ZNF43: variants seen among roughly 807,000 people sequenced by gnomAD.
ZNF43 encodes zinc finger protein 43, also known as zinc finger protein 39-like 1 (KOX 27).
A neutral mutation model predicts 68.4 loss-of-function variants in ZNF43; 44 were observed. That is an observed-to-expected ratio of 0.64 (90% CI 0.51 to 0.83). The LOEUF (loss-of-function observed/expected upper bound fraction) is 0.83. Among genes scored for constraint, ZNF43 ranks in the 40% least tolerant of loss-of-function variants. The pLI is 0.00. For synonymous variants in ZNF43, 308 were observed against 307.8 expected, an observed-to-expected ratio of 1.00 and a Z score of -0.01; for missense variants, 896 against 933.2, an observed-to-expected ratio of 0.96 and a Z score of 0.52.
chr19:21,846,568 GTGTAAAACCCAGCAACA>G (rs765053476), intron 1 of ZNF43, among the ~76,000 whole-genome samples: 45 of 152,170 alleles, frequency 3.0e-4, no homozygotes, highest in Admixed American at 9.8e-4. Flanking sequence ...CATCACTTGG[GTGTAAAACCCAGCAACA>G]TGTCACAATG....
chr19:21,846,218 A>C (rs972670809), intron 1 of ZNF43, among the ~76,000 whole-genome samples: 16 of 152,194 alleles, frequency 1.1e-4, no homozygotes, highest in African/African-American at 3.4e-4. Context: ...CTATGAGAGG[A>C]GAGTCACATC....
At chr19:21,839,354 A>G (rs1967346813), upstream of ZNF43, among the ~76,000 whole-genome samples, 2 of 150,770 alleles carry the variant, frequency 1.3e-5, no homozygotes, top group South Asian at 4.2e-4. Flanking sequence ...AAAAAAAAAA[A>G]AAGAGATCAC....
chr19:21,835,500 GGC>G (rs2038673596), intron 1 of ZNF43, among the ~76,000 whole-genome samples: 1 of 150,876 alleles, frequency 6.6e-6, no homozygotes, highest in Non-Finnish European at 1.5e-5. Context: ...TGCGATTACA[GGC>G]GCGCGCCACC....
rs1412189208 is a variant in ZNF43, at chr19:21,843,351, T to A, written c.30+8554A>T. 4.1e-6 allele frequency: 4 copies of A among 985,114 alleles called. No individual in the cohort carries two copies. The African/African-American group carries it at 5.2e-5, about 13-fold the overall frequency. The allele number at this position is 985,114 out of a possible 1,614,324, so 61.0% of individuals were successfully genotyped here. Reference sequence around the variant, plus strand: ...CCTGCAGAAAGACCCAGAAATCAGATAAAACAGTTCTTCACGTGTCTTCAT... The same window carrying A: ...CCTGCAGAAAGACCCAGAAATCAGAAAAAACAGTTCTTCACGTGTCTTCAT... On this transcript the variant is annotated intron_variant, in intron 1 of 3. Transcript: ENST00000357491.
Position 21,808,198 on chromosome 19 carries a change from TTTATG to T in ZNF43, c.1834_1838del (p.His612LysfsTer12), listed in dbSNP as rs772381041. On this transcript the variant is annotated frameshift_variant, in exon 4 of 4. Coordinates refer to ENST00000354959, the MANE Select transcript of ZNF43 (RefSeq NM_003423.4). LOFTEE classifies it high-confidence loss of function. ...AGGGTTTTCCTCCAGTATGAATTTT[TTTATG>T]TGTAGTAAGGTTTGAAGATTGGGTA... is the stretch of plus-strand genomic sequence containing the variant. 13 of 1,593,208 alleles carry T rather than the reference TTTATG, an allele frequency of 8.2e-6. No individual in the cohort carries two copies. The highest frequency in any genetic ancestry group is 1.0e-5 in the Non-Finnish European group (12 of 1,171,496).
At chr19:21,830,193 G>A (rs1298607612) in intron 1 of ZNF43, among the ~76,000 whole-genome samples, 1 of 151,832 alleles carries the variant, frequency 6.6e-6, no homozygotes, top group Non-Finnish European at 1.5e-5. Context: ...GGAGGTTGCA[G>A]TGAGGCGGAG....
chr19:21,828,498 T>G (rs1037736937), intron 1 of ZNF43, among the ~76,000 whole-genome samples: 1 of 151,574 alleles, frequency 6.6e-6, no homozygotes, highest in Non-Finnish European at 1.5e-5. Context: ...GTGGATCACC[T>G]GAGGTCAGGA....
rs758829680 is a variant in ZNF43, at chr19:21,807,795, G to A, written c.2242C>T (p.His748Tyr). The stretch of plus-strand genomic sequence containing the variant: ...TGAATTCTCTTATGTGTATTAAGGT[G>A]TGAGGAATAGTTAAATGCTTTGCCA... Reference protein sequence around the residue: ...ECGKAFNYSSHLNTHKRIHTK... With the variant: ...ECGKAFNYSSYLNTHKRIHTK... The change falls in exon 4 of 4, where the codon CAC (histidine) becomes TAC (tyrosine). Residue 748 changes from histidine (H) to tyrosine (Y), a missense_variant. His to Tyr is a moderately conservative substitution (Grantham distance 83). Coordinates refer to ENST00000354959, the MANE Select transcript of ZNF43 (RefSeq NM_003423.4). The A allele has an allele frequency of 1.2e-5, 20 of 1,612,456 alleles. No homozygotes were observed. The South Asian group carries it at 1.6e-4, about 13-fold the overall frequency.
chr19:21,808,452 T>C lies in ZNF43; in HGVS notation c.1585A>G (p.Lys529Glu). The C allele has an allele frequency of 6.2e-7, 1 of 1,613,348 alleles. No individual in the cohort carries two copies. The highest frequency in any genetic ancestry group is 1.7e-4 in the Middle Eastern group (1 of 6,056). ...FKWSSKLTEH[K>E]ITHTGEKPYK... Reference sequence around the variant, plus strand: ...GGTTTCTCTCCAGTATGAGTTATCTTATGTTCAGTAAGCTTTGAGGACCAC... The same window carrying C: ...GGTTTCTCTCCAGTATGAGTTATCTCATGTTCAGTAAGCTTTGAGGACCAC... The change falls in exon 4 of 4, where the codon AAG becomes GAG. Residue 529 changes from lysine (K) to glutamate (E), a missense_variant. Transcript: ENST00000354959.
Position 21,807,705 on chromosome 19 carries a change from T to C in ZNF43, c.2332A>G (p.Thr778Ala). 6.2e-7 allele frequency: 1 copy of C among 1,613,460 alleles called. No individual in the cohort carries two copies. The highest frequency in any genetic ancestry group is 8.5e-7 in the Non-Finnish European group (1 of 1,179,708). The part of the protein sequence containing the change: ...GKAFNQYSNL[T>A]THNKIHTGEK... ...CCAGTATGAATTTTGTTATGTGTAG[T>C]AAGGTTTGAATATTGGTTGAAAGCT... Residue 778 changes from threonine to alanine, a missense_variant, in exon 4 of 4, where the codon ACT becomes GCT. By Grantham distance (58) the Thr-to-Ala change is moderately conservative. Transcript: ENST00000354959.
intron 1 of ZNF43, among the ~76,000 whole-genome samples, chr19:21,842,072 TAGGAG>T (rs1467019737): frequency 6.6e-6 from 1 of 152,032 alleles, no homozygotes; most frequent in East Asian, 2.0e-4. Flanking sequence ...AAACCTGTAG[TAGGAG>T]AGGAGAGTCA....
intron 1 of ZNF43, among the ~76,000 whole-genome samples, chr19:21,842,260 T>G (rs11882852): frequency 0.034 from 5,203 of 151,558 alleles, 315 homozygotes; most frequent in African/African-American, 0.12. Flanking sequence ...AATACAAAAA[T>G]TAGCTAGGTA....
In ZNF43 at chr19:21,806,817, G is replaced by A. The variant is rs940119023; in HGVS notation, c.*790C>T. ...ATTTAGTGTAATGTCTGAAGTGTCC[G>A]CGCCTTAGATATTTCTACTGTGAAT... On this transcript the variant is annotated 3_prime_UTR_variant, in exon 4 of 4. Coordinates refer to ENST00000354959, the MANE Select transcript of ZNF43 (RefSeq NM_003423.4). The A allele has an allele frequency of 3.3e-5, 5 of 152,020 alleles. No homozygotes were observed. The highest frequency in any genetic ancestry group is 2.1e-4 in the South Asian group (1 of 4,814). 9.4% of individuals were successfully genotyped at this position (152,020 alleles called of 1,614,324 possible).
At chr19:21,828,996 G>T (rs1386989869) in intron 1 of ZNF43, among the ~76,000 whole-genome samples, 1 of 120,978 alleles carries the variant, frequency 8.3e-6, no homozygotes, top group Admixed American at 1.1e-4. Context: ...TGGCGCCACT[G>T]CACTCCAGCC....
chr19:21,836,210 C>T (rs1254891321), upstream of ZNF43: 1 of 1,497,092 alleles, frequency 6.7e-7, no homozygotes, highest in African/African-American at 1.4e-5. Flanking sequence ...CCGGAAGCCG[C>T]CCTGTCCTCT....
chr19:21,836,125 CAGCAG>C lies in ZNF43; in HGVS notation c.-92_-88del. Reference sequence around the variant, plus strand: ...AGAGCCACAGAGGCTGGACCTCTAGCAGCAGAGGACACAGAAGAACGAAGACGAGA... The same window carrying C: ...AGAGCCACAGAGGCTGGACCTCTAGCAGGACACAGAAGAACGAAGACGAGA... On this transcript the variant is annotated 5_prime_UTR_variant, in exon 1 of 4. Coordinates refer to ENST00000354959, the MANE Select transcript of ZNF43 (RefSeq NM_003423.4). The C allele has an allele frequency of 6.2e-7, 1 of 1,605,066 alleles. No homozygotes were observed. Among genetic ancestry groups the C allele is most frequent in the East Asian group, 2.2e-5 (1 of 44,808 alleles).
chr19:21,812,548 T>C (rs2037329546), intron 3 of ZNF43, among the ~76,000 whole-genome samples: 1 of 152,198 alleles, frequency 6.6e-6, no homozygotes, highest in Admixed American at 6.5e-5. Context: ...TTACAATTTG[T>C]AGAGAAATGC....
chr19:21,836,002 T>TC (rs993650319), intron 1 of ZNF43, 34 bp downstream of exon 1: 4 of 1,613,204 alleles, frequency 2.5e-6, no homozygotes, highest in African/African-American at 1.3e-5. Flanking sequence ...CACAGCCCCT[T>TC]CCCCCTCTCG....
At position 21,819,108 on chromosome 19, in the gene ZNF43, G is replaced by A. The variant is rs944915749; in HGVS notation, c.117C>T (p.Asn39=). The A allele has an allele frequency of 7.5e-6, 12 of 1,610,322 alleles. No individual in the cohort carries two copies. In the Admixed American group the frequency reaches 8.4e-5, roughly 11 times the overall value. The change falls in exon 2 of 4, where the codon AAC becomes AAT. Residue 39 remains asparagine, a synonymous_variant. Coordinates refer to ENST00000354959, the MANE Select transcript of ZNF43 (RefSeq NM_003423.4). ...AGTTATGCTCACCCAGGAAGACCAG[G>A]TTTCTGTAGTTCTCTAACATCACAT... The part of the protein sequence containing the change: ...YRNVMLENYR[N]LVFLGIAVSK...
Sources: gnomAD v4.1 joint callset for allele counts (sites outside exome capture counted in the v4.1 genomes callset) on GRCh38, gnomAD v4.1.1 for gene constraint, MANE v1.5 for transcripts, NCBI Gene and HGNC (gene_info 2026-07-23, HGNC 2026-07-21) for gene names.